The following TBC1D2 variants were observed in gnomAD, a reference collection of about 807,000 sequenced individuals.
TBC1D2 encodes the protein TBC1 domain family member 2A.
TBC1D2 carries 58 observed loss-of-function variants against 91.1 expected under a neutral mutation model. The ratio of observed to expected loss-of-function variants is 0.64; its 90% CI spans 0.52 to 0.79. The LOEUF is 0.79. Ranked by LOEUF, TBC1D2 falls within the 30% of genes least tolerant of loss-of-function variation. TBC1D2 has a pLI of 0.00. For synonymous variants in TBC1D2, 482 were observed against 511.5 expected, an observed-to-expected ratio of 0.94 and a Z score of 0.78; for missense variants, 1,080 against 1,208.3, an observed-to-expected ratio of 0.89 and a Z score of 1.57.
At chr9:98,204,875 C>A (rs1036163679) in intron 9 of TBC1D2, among the ~76,000 whole-genome samples, 11 of 152,224 alleles carry the variant, frequency 7.2e-5, no homozygotes, top group African/African-American at 2.7e-4. Flanking sequence ...TCCTTTTCGT[C>A]TGTGCCCAGG....
At chr9:98,206,028 C>T (rs1410737420) in intron 9 of TBC1D2, among the ~76,000 whole-genome samples, 1 of 152,062 alleles carries the variant, frequency 6.6e-6, no homozygotes, top group Non-Finnish European at 1.5e-5. Flanking sequence ...CTTGCTCTGT[C>T]ACCAGGCTGG....
chr9:98,211,908 G>A (rs757528628), intron 7 of TBC1D2, among the ~76,000 whole-genome samples: 5 of 151,044 alleles, frequency 3.3e-5, no homozygotes, highest in East Asian at 1.9e-4. Flanking sequence ...AATGATTCTC[G>A]TGCCTCAGCC....
chr9:98,218,053 G>A (rs2119067475), intron 6 of TBC1D2, among the ~76,000 whole-genome samples: 1 of 152,010 alleles, frequency 6.6e-6, no homozygotes, highest in Admixed American at 6.6e-5. Flanking sequence ...ATCTTGCTAT[G>A]TTTCCCCGGC....
At chr9:98,217,320 T>C (rs1160300307) in intron 6 of TBC1D2, among the ~76,000 whole-genome samples, 1 of 152,228 alleles carries the variant, frequency 6.6e-6, no homozygotes, top group Non-Finnish European at 1.5e-5. Context: ...GGAATTCTCT[T>C]TGGGCCATGC....
chr9:98,211,874 T>C (rs1251334344), intron 7 of TBC1D2, among the ~76,000 whole-genome samples: 1 of 151,872 alleles, frequency 6.6e-6, no homozygotes, highest in Non-Finnish European at 1.5e-5. Context: ...CTTGGCTCAC[T>C]GCAACCTCTA....
intron 12 of TBC1D2, 145 bp downstream of exon 12, chr9:98,200,108 C>CGCT: frequency 7.9e-7 from 1 of 1,260,666 alleles, no homozygotes; most frequent in Non-Finnish European, 1.1e-6. Context: ...CTCAGACAGT[C>CGCT]AGACTTCCCC....
At chr9:98,220,134 C>A (rs556999093) in intron 6 of TBC1D2, among the ~76,000 whole-genome samples, 1 of 152,284 alleles carries the variant, frequency 6.6e-6, no homozygotes, top group African/African-American at 2.4e-5. Flanking sequence ...CTAGAAGCGG[C>A]AGCTGAGCAG....
chr9:98,233,455 T>G lies in TBC1D2; in HGVS notation c.742A>C (p.Arg248=), dbSNP rs1285585498. The change falls in exon 4 of 13, where the codon AGG becomes CGG. Residue 248 remains arginine, a synonymous_variant. Transcript: ENST00000465784. ...EDSPQSGEPQ[R]EEQPLASDAS... ...TCAGAGGCCAAGGGCTGCTCCTCCC[T>G]CTGAGGCTCCCCACTCTGTGGAGAA... 8.7e-6 allele frequency: 14 copies of G among 1,614,028 alleles called. No homozygotes were observed. The highest frequency in any genetic ancestry group is 1.3e-5 in the African/African-American group (1 of 74,922).
At chr9:98,251,416 A>C (rs954871402) in intron 2 of TBC1D2, among the ~76,000 whole-genome samples, 2 of 152,208 alleles carry the variant, frequency 1.3e-5, no homozygotes, top group South Asian at 4.1e-4. Context: ...CATAATAGTC[A>C]TCACAATAGT....
chr9:98,229,464 G>T (rs1829316308), intron 4 of TBC1D2, among the ~76,000 whole-genome samples: 1 of 152,162 alleles, frequency 6.6e-6, no homozygotes, highest in Non-Finnish European at 1.5e-5. Flanking sequence ...AGCCTGCATT[G>T]GTCTATCTCA....
rs1829077672 is a variant in TBC1D2, at chr9:98,220,828, C to T, written c.1374+5G>A. ...GACTGGCAGGCCCTGAGGGGAGGCC[C>T]CTACCTTCAGGTGCTCTATCTTCCC... is the stretch of plus-strand genomic sequence containing the variant. On this transcript the variant is annotated splice_donor_5th_base_variant and intron_variant, in intron 6 of 12. Transcript: ENST00000465784. The T allele has an allele frequency of 6.2e-7, 1 of 1,613,058 alleles. No individual in the cohort carries two copies. Among genetic ancestry groups the T allele is most frequent in the South Asian group, 1.1e-5 (1 of 91,056 alleles).
chr9:98,251,601 G>C (rs907132405), intron 2 of TBC1D2, among the ~76,000 whole-genome samples, 184 bp downstream of exon 2: 7 of 152,154 alleles, frequency 4.6e-5, no homozygotes, highest in Non-Finnish European at 7.3e-5. Flanking sequence ...AGTTATATAG[G>C]ACTAGGATTT....
At chr9:98,230,419 T>G (rs1393209111) in intron 4 of TBC1D2, among the ~76,000 whole-genome samples, 1 of 152,104 alleles carries the variant, frequency 6.6e-6, no homozygotes, top group Non-Finnish European at 1.5e-5. Flanking sequence ...TTTGCAGGAG[T>G]ATGCATTTTA....
intron 8 of TBC1D2, among the ~76,000 whole-genome samples, chr9:98,210,187 C>T (rs1055773218): frequency 3.1e-4 from 47 of 152,280 alleles, no homozygotes; most frequent in African/African-American, 1.1e-3. Context: ...AATTGTCACA[C>T]GGTGAGAGGG....
At chr9:98,253,210 G>A (rs1486029882) in intron 1 of TBC1D2, among the ~76,000 whole-genome samples, 3 of 152,160 alleles carry the variant, frequency 2.0e-5, no homozygotes, top group Admixed American at 2.0e-4. Flanking sequence ...GTCTCCTGCA[G>A]GGGACATGTA....
chr9:98,247,226 C>A (rs1379658404), intron 2 of TBC1D2, among the ~76,000 whole-genome samples: 1 of 151,720 alleles, frequency 6.6e-6, no homozygotes, highest in East Asian at 1.9e-4. Context: ...ACTTGGGAGG[C>A]TGAGGCAGGA....
intron 3 of TBC1D2, among the ~76,000 whole-genome samples, chr9:98,242,667 G>A (rs554615604): frequency 2.0e-3 from 306 of 152,186 alleles, no homozygotes; most frequent in Non-Finnish European, 3.2e-3. Context: ...TAAGGCAAGC[G>A]CTGTTGTATT....
intron 1 of TBC1D2, among the ~76,000 whole-genome samples, chr9:98,254,554 T>TA (rs1829934152): frequency 6.6e-6 from 1 of 152,250 alleles, no homozygotes; most frequent in African/African-American, 2.4e-5. Flanking sequence ...GTGGCCTTTC[T>TA]ACTGCTTTAG....
At chr9:98,218,952 G>C (rs2119071538) in intron 6 of TBC1D2, among the ~76,000 whole-genome samples, 1 of 152,356 alleles carries the variant, frequency 6.6e-6, no homozygotes, top group South Asian at 2.1e-4. Flanking sequence ...AGGCAGGGTA[G>C]AAAAGCAATC....
Sources: allele counts gnomAD v4.1 joint callset (sites outside exome capture counted in the v4.1 genomes callset), GRCh38; gene constraint gnomAD v4.1.1; transcripts MANE v1.5; gene names NCBI Gene and HGNC (gene_info 2026-07-23, HGNC 2026-07-21).